The following ADCY2 variants were observed in gnomAD, a reference collection of about 807,000 sequenced individuals.
ADCY2 encodes adenylate cyclase 2.
In ADCY2, 31 loss-of-function variants were observed where a neutral mutation model predicts 125.2. That is an observed-to-expected ratio of 0.25 (90% CI 0.19 to 0.33). ADCY2 has a LOEUF of 0.33. Ranked by LOEUF, ADCY2 falls within the 10% of genes least tolerant of loss-of-function variation. ADCY2 has a pLI of 1.00. For synonymous variants in ADCY2, 512 were observed against 548.4 expected, an observed-to-expected ratio of 0.93 and a Z score of 0.93; for missense variants, 904 against 1,418.2, an observed-to-expected ratio of 0.64 and a Z score of 5.82.
chr5:7,598,350 C>T (rs1579615054), intron 3 of ADCY2, among the ~76,000 whole-genome samples: 1 of 152,312 alleles, frequency 6.6e-6, no homozygotes, highest in East Asian at 1.9e-4. Flanking sequence ...TAGAGAAAGC[C>T]TGAGTCCCAC....
At chr5:7,553,200 T>C (rs2126576656) in intron 3 of ADCY2, among the ~76,000 whole-genome samples, 1 of 152,314 alleles carries the variant, frequency 6.6e-6, no homozygotes, top group South Asian at 2.1e-4. Flanking sequence ...TAGGGAAATG[T>C]TCCATATCTT....
intron 15 of ADCY2, among the ~76,000 whole-genome samples, chr5:7,750,905 T>G (rs1212262068): frequency 6.6e-6 from 1 of 152,204 alleles, no homozygotes; most frequent in African/African-American, 2.4e-5. Flanking sequence ...AACGTCATTG[T>G]CCAATATCTC....
intron 17 of ADCY2, 108 bp from the exon 18 acceptor site, chr5:7,772,824 C>G: frequency 4.8e-6 from 5 of 1,047,986 alleles, no homozygotes; most frequent in Non-Finnish European, 7.0e-6. Context: ...TTCACAGCCA[C>G]CTTATATGTT....
rs190758979 is a variant in ADCY2 at position 7,813,943 on chromosome 5, T to C, written c.2884-2923T>C. ...TTTTGCTTGTTGATTTAACAGCTTGTGCCTCCTATTAAGGAGCAAGATGTT... is the reference window on the plus strand; with the variant it reads ...TTTTGCTTGTTGATTTAACAGCTTGCGCCTCCTATTAAGGAGCAAGATGTT... On this transcript the variant is annotated intron_variant, in intron 22 of 24. Transcript: ENST00000338316. 3.2e-3 allele frequency among the ~76,000 whole-genome samples: 486 copies of C among 152,184 alleles called. 5 individuals are homozygous for C. The highest frequency in any genetic ancestry group is 0.011 in the African/African-American group (453 of 41,514).
chr5:7,399,847 C>T (rs1370871464), intron 1 of ADCY2, among the ~76,000 whole-genome samples: 1 of 152,110 alleles, frequency 6.6e-6, no homozygotes, highest in Non-Finnish European at 1.5e-5. Flanking sequence ...TAAAATTGAC[C>T]CCTGGCATCA....
chr5:7,809,795 T>G (rs918499285), intron 22 of ADCY2, among the ~76,000 whole-genome samples: 1 of 152,244 alleles, frequency 6.6e-6, no homozygotes. Context: ...TTTGTACTTT[T>G]TAAATGAAAT....
At chr5:7,770,940 A>G (rs956663449) in intron 17 of ADCY2, among the ~76,000 whole-genome samples, 2 of 152,366 alleles carry the variant, frequency 1.3e-5, no homozygotes, top group South Asian at 2.1e-4. Context: ...AAAGGAAGCC[A>G]TATGAAATGC....
chr5:7,802,493 C>A lies in ADCY2; in HGVS notation c.2775+129C>A. ...CTTTGGCATAATTTCTGGCAGATGG[C>A]ATTAAAGCCTTTTGCTTTATTTAGG... is the stretch of plus-strand genomic sequence containing the variant. On this transcript the variant is annotated intron_variant, in intron 21 of 24. Transcript: ENST00000338316. This position sits in a 1 kb window ranked among gnomAD's most constrained non-coding sequence, Gnocchi z 4.6. 9.8e-7 allele frequency: 1 copy of A among 1,023,670 alleles called. No individual in the cohort carries two copies. The highest frequency in any genetic ancestry group is 1.4e-6 in the Non-Finnish European group (1 of 718,784). The allele number at this position is 1,023,670 out of a possible 1,614,324, so 63.4% of individuals were successfully genotyped here.
At chr5:7,610,178 C>T (rs753425133) in intron 3 of ADCY2, among the ~76,000 whole-genome samples, 4 of 152,258 alleles carry the variant, frequency 2.6e-5, no homozygotes, top group Non-Finnish European at 5.9e-5. Flanking sequence ...GGTGTTATTT[C>T]GATGGTGTTG....
chr5:7,587,322 G>T (rs573789850), intron 3 of ADCY2, among the ~76,000 whole-genome samples: 60 of 152,284 alleles, frequency 3.9e-4, no homozygotes, highest in African/African-American at 1.3e-3. Flanking sequence ...TTGTCCAGTG[G>T]CACTAAGCAG....
At chr5:7,432,049 T>C (rs998577753) in intron 2 of ADCY2, among the ~76,000 whole-genome samples, 4 of 152,110 alleles carry the variant, frequency 2.6e-5, no homozygotes, top group African/African-American at 9.7e-5. Flanking sequence ...GAGAAGCAGC[T>C]GGATGTCAGA....
At position 7,694,829 on chromosome 5, in the gene ADCY2, AT is replaced by A. The variant is rs917318368; in HGVS notation, c.870-916del. Among the ~76,000 whole-genome samples, 6 of 152,200 alleles carry A rather than the reference AT, an allele frequency of 3.9e-5. No individual in the cohort carries two copies. The South Asian group carries it at 1.2e-3, about 32-fold the overall frequency. On this transcript the variant is annotated intron_variant, in intron 5 of 24. Transcript: ENST00000338316. ...GCTGAATCATATGGTATTTTGTTTAATTTTTTTGAGGACCGAACATATTGTT... is the reference window on the plus strand; with the variant it reads ...GCTGAATCATATGGTATTTTGTTTAATTTTTTGAGGACCGAACATATTGTT...
chr5:7,429,274 T>G (rs764194441), intron 2 of ADCY2, among the ~76,000 whole-genome samples: 8 of 152,222 alleles, frequency 5.3e-5, no homozygotes, highest in Non-Finnish European at 8.8e-5. Flanking sequence ...GTGCCCCTAG[T>G]AAGAGAAATT....
At chr5:7,714,047 A>G (rs757987363) in intron 11 of ADCY2, among the ~76,000 whole-genome samples, 8 of 152,222 alleles carry the variant, frequency 5.3e-5, no homozygotes, top group Non-Finnish European at 8.8e-5. Flanking sequence ...TGACATTTTA[A>G]CATTGAGATA....
intron 1 of ADCY2, among the ~76,000 whole-genome samples, chr5:7,407,343 G>A (rs1236877754): frequency 6.6e-6 from 1 of 152,136 alleles, no homozygotes; most frequent in African/African-American, 2.4e-5. Context: ...CCTGAGACTG[G>A]GTAATTTATC....
At chr5:7,818,214 C>G (rs1745179229) in intron 23 of ADCY2, among the ~76,000 whole-genome samples, 1 of 152,152 alleles carries the variant, frequency 6.6e-6, no homozygotes, top group Non-Finnish European at 1.5e-5. Flanking sequence ...TATTTAAAGC[C>G]ATTTTCTTCC....
intron 3 of ADCY2, among the ~76,000 whole-genome samples, chr5:7,583,851 T>C (rs1203437439): frequency 1.3e-5 from 2 of 152,104 alleles, no homozygotes; most frequent in South Asian, 2.1e-4. Context: ...GAATAATGGC[T>C]ATACAAACTA....
intron 2 of ADCY2, among the ~76,000 whole-genome samples, chr5:7,423,889 AC>A (rs1468392091): frequency 6.6e-6 from 1 of 152,092 alleles, no homozygotes; most frequent in East Asian, 1.9e-4. Context: ...TCATGACTAA[AC>A]TGTCCTCTGG....
chr5:7,405,883 G>A (rs945354295), intron 1 of ADCY2, among the ~76,000 whole-genome samples: 1 of 152,158 alleles, frequency 6.6e-6, no homozygotes, highest in Non-Finnish European at 1.5e-5. Flanking sequence ...TTTAGAGACA[G>A]GGTCTTGCTC....
Sources: gnomAD v4.1 joint callset for allele counts (sites outside exome capture counted in the v4.1 genomes callset) on GRCh38, gnomAD v4.1.1 for gene constraint, Gnocchi (gnomAD v3.1) non-coding constraint, MANE v1.5 for transcripts, NCBI Gene and HGNC (gene_info 2026-07-23, HGNC 2026-07-21) for gene names.